ANKRD55: variants seen among roughly 807,000 people sequenced by gnomAD.
ANKRD55 encodes the protein ankyrin repeat domain-containing protein 55.
In ANKRD55, 41 loss-of-function variants were observed where a neutral mutation model predicts 60.6. The ratio of observed to expected loss-of-function variants is 0.68; its 90% CI spans 0.53 to 0.88. The LOEUF is 0.88. Ranked by LOEUF, ANKRD55 falls within the 40% of genes least tolerant of loss-of-function variation. The pLI is 0.00. For missense variants in ANKRD55, 732 were observed against 767.6 expected (o/e 0.95, Z 0.55); for synonymous variants, 264 against 290.3 (o/e 0.91, Z 0.92).
intron 2 of ANKRD55, among the ~76,000 whole-genome samples, chr5:56,199,809 T>C (rs1229807598): frequency 4.0e-5 from 6 of 151,010 alleles, no homozygotes; most frequent in Non-Finnish European, 5.9e-5. Context: ...GAGAATGGCA[T>C]GAACCCGGGT....
At chr5:56,217,756 C>T (rs982807147) in intron 2 of ANKRD55, among the ~76,000 whole-genome samples, 11 of 151,912 alleles carry the variant, frequency 7.2e-5, no homozygotes, top group Middle Eastern at 3.2e-3. Context: ...ATTAGCCGGG[C>T]GTGGTGGGGG....
chr5:56,204,690 G>C (rs1042968548), intron 2 of ANKRD55, among the ~76,000 whole-genome samples: 5 of 152,074 alleles, frequency 3.3e-5, no homozygotes, highest in African/African-American at 9.7e-5. Context: ...ACCCAGTCTT[G>C]GGTAGTTTTT....
chr5:56,191,629 G>A (rs1430115822), intron 2 of ANKRD55, among the ~76,000 whole-genome samples: 1 of 152,170 alleles, frequency 6.6e-6, no homozygotes, highest in Non-Finnish European at 1.5e-5. Flanking sequence ...ACCTCAAGAA[G>A]TAGTGAGCTT....
chr5:56,168,828 C>G (rs1201469278), intron 5 of ANKRD55, among the ~76,000 whole-genome samples: 1 of 152,210 alleles, frequency 6.6e-6, no homozygotes, highest in Non-Finnish European at 1.5e-5. Flanking sequence ...CACCTACCAC[C>G]CCCCTACATT....
Position 56,202,743 on chromosome 5 carries a change from C to G in ANKRD55, c.59-19109G>C, listed in dbSNP as rs188312523. On this transcript the variant is annotated intron_variant, in intron 2 of 11. Coordinates refer to ENST00000341048, the MANE Select transcript of ANKRD55 (RefSeq NM_024669.3). ...ATCTGACTGCAATCAGATCTTTCTT[C>G]CTAACCAAATTTGTGATGCAACACA... Among the ~76,000 whole-genome samples, 567 of 152,226 alleles carry G rather than the reference C, an allele frequency of 3.7e-3. 2 individuals are homozygous for G. Among genetic ancestry groups the G allele is most frequent in the African/African-American group, 0.012 (483 of 41,526 alleles).
At chr5:56,147,769 C>A (rs1757934614) in intron 6 of ANKRD55, among the ~76,000 whole-genome samples, 1 of 150,800 alleles carries the variant, frequency 6.6e-6, no homozygotes, top group South Asian at 2.2e-4. Flanking sequence ...AAGAATAAAT[C>A]CTCTTAGAGT....
intron 7 of ANKRD55, 26 bp downstream of exon 7, chr5:56,143,775 G>T (rs1293011252): frequency 6.2e-7 from 1 of 1,613,850 alleles, no homozygotes; most frequent in South Asian, 1.1e-5. Context: ...TTAAACCTGA[G>T]ACCAGTCCAC....
At chr5:56,204,527 G>A (rs998325050) in intron 2 of ANKRD55, among the ~76,000 whole-genome samples, 1 of 152,046 alleles carries the variant, frequency 6.6e-6, no homozygotes, top group Non-Finnish European at 1.5e-5. Context: ...GGTTTTATAA[G>A]GGGATTTTCC....
chr5:56,116,116 A>G (rs1415647654), intron 9 of ANKRD55, among the ~76,000 whole-genome samples: 1 of 152,118 alleles, frequency 6.6e-6, no homozygotes. Flanking sequence ...CAGCCTCCCA[A>G]AGTGCTGGGA....
chr5:56,104,442 C>T (rs549084295), intron 10 of ANKRD55, among the ~76,000 whole-genome samples: 2 of 152,194 alleles, frequency 1.3e-5, no homozygotes, highest in East Asian at 1.9e-4. Context: ...AGCAGTGACT[C>T]GGAGATGAAG....
intron 7 of ANKRD55, chr5:56,137,591 A>C: frequency 1.5e-6 from 1 of 655,678 alleles, no homozygotes. Context: ...ATTCCAGGAG[A>C]TAACAGGAGC....
rs545986449 is a variant in ANKRD55, at chr5:56,105,684, ACCATGCCGTGAGGGCTTTGTTTGC to A, written c.1631-3122_1631-3099del. 2.2e-4 allele frequency among the ~76,000 whole-genome samples: 33 copies of A among 152,304 alleles called. No homozygotes were observed. In the South Asian group the frequency reaches 6.8e-3, roughly 32 times the overall value. On this transcript the variant is annotated intron_variant, in intron 10 of 11. Transcript: ENST00000341048. ...GAGCATGACCATGCCGTGAGGTCTG[ACCATGCCGTGAGGGCTTTGTTTGC>A]CCAGTTTAGAACCCTGGCCTTTGTC...
At chr5:56,187,268 C>G (rs1758993420) in intron 2 of ANKRD55, among the ~76,000 whole-genome samples, 1 of 152,210 alleles carries the variant, frequency 6.6e-6, no homozygotes. Flanking sequence ...TGCAACTTAG[C>G]TCACACCCGA....
chr5:56,102,461 C>T (rs1223603938), intron 11 of ANKRD55, 33 bp downstream of exon 11: 9 of 1,450,494 alleles, frequency 6.2e-6, no homozygotes, highest in Non-Finnish European at 8.7e-6. Flanking sequence ...TTAACACTTG[C>T]AAAGGAAGCT....
In ANKRD55 at chr5:56,104,939, C is replaced by A. The variant is rs563020118; in HGVS notation, c.1631-2353G>T. On this transcript the variant is annotated intron_variant, in intron 10 of 11. Coordinates refer to ENST00000341048, the MANE Select transcript of ANKRD55 (RefSeq NM_024669.3). ...AGACCTTGTTCCAGTATCTCCTCTG[C>A]CACTTCCTAGCTAGCTCTGTGACCT... Among the ~76,000 whole-genome samples the A allele has an allele frequency of 8.5e-5, 13 of 152,252 alleles. No homozygotes were observed. In the South Asian group the frequency reaches 2.5e-3, roughly 29 times the overall value.
rs867474584 is a variant in ANKRD55 at position 56,116,795 on chromosome 5, T to C, written c.798-13A>G. On this transcript the variant is annotated splice_polypyrimidine_tract_variant and intron_variant, in intron 8 of 11. Transcript: ENST00000341048. ...GTGCAGAGGTGTCCTGGAGGGGCCA[T>C]GTGAAAAAAGCACAAGCGTCTGAGC... The C allele has an allele frequency of 1.3e-6, 2 of 1,589,734 alleles. No individual in the cohort carries two copies. The highest frequency in any genetic ancestry group is 2.3e-5 in the East Asian group (1 of 43,932).
intron 8 of ANKRD55, among the ~76,000 whole-genome samples, chr5:56,126,426 C>A (rs1357250441): frequency 1.3e-5 from 2 of 152,078 alleles, no homozygotes; most frequent in East Asian, 3.9e-4. Flanking sequence ...CCTTTTTGGA[C>A]CTAGCTTCCT....
chr5:56,124,641 A>G (rs1320476424), intron 8 of ANKRD55, among the ~76,000 whole-genome samples: 3 of 151,298 alleles, frequency 2.0e-5, no homozygotes, highest in South Asian at 2.1e-4. Context: ...CGGAGTAGCT[A>G]GGATTACAGG....
intron 11 of ANKRD55, among the ~76,000 whole-genome samples, chr5:56,102,231 A>C (rs1401321511): frequency 1.3e-5 from 2 of 152,090 alleles, no homozygotes; most frequent in African/African-American, 4.8e-5. Flanking sequence ...TACTAAAAAA[A>C]ATACAAAAAT....
Sources: allele counts gnomAD v4.1 joint callset (sites outside exome capture counted in the v4.1 genomes callset), GRCh38; gene constraint gnomAD v4.1.1; transcripts MANE v1.5; gene names NCBI Gene and HGNC (gene_info 2026-07-23, HGNC 2026-07-21).